NSMCE2: variants seen among roughly 807,000 people sequenced by gnomAD.
NSMCE2 encodes NSE2 SUMO ligase component of SMC5/6 complex.
A neutral mutation model predicts 23.8 loss-of-function variants in NSMCE2; 24 were observed. That is an observed-to-expected ratio of 1.01 (90% CI 0.73 to 1.42). The LOEUF (loss-of-function observed/expected upper bound fraction) is 1.42. NSMCE2 is among the 40% of genes most tolerant of loss of function. The pLI, the probability that NSMCE2 is intolerant of heterozygous loss-of-function variation, is 0.00. For missense variants in NSMCE2, 284 were observed against 296.5 expected (o/e 0.96, Z 0.31); for synonymous variants, 92 against 94.1 (o/e 0.98, Z 0.13).
chr8:125,195,978 T>C (rs978315765), intron 5 of NSMCE2, among the ~76,000 whole-genome samples: 8 of 146,050 alleles, frequency 5.5e-5, no homozygotes, highest in Non-Finnish European at 1.2e-4. Context: ...CCTCCAACTC[T>C]TGGGTTCAAG....
rs560630599 is a variant in NSMCE2 at position 125,137,456 on chromosome 8, A to G, written c.158-13715A>G. Among the ~76,000 whole-genome samples the G allele has an allele frequency of 6.6e-5, 10 of 152,320 alleles. No individual in the cohort carries two copies. The South Asian group carries it at 2.1e-3, about 32-fold the overall frequency. The stretch of plus-strand genomic sequence containing the variant: ...TTTAAAATAAGTGTAGAGATATGCT[A>G]ATCTAAGGCAGTTGCTATCCACATG... On this transcript the variant is annotated intron_variant, in intron 3 of 7. Transcript: ENST00000287437.
Position 125,340,709 on chromosome 8 carries a change from G to A in NSMCE2, c.419-16510G>A, listed in dbSNP as rs546911461. Among the ~76,000 whole-genome samples the A allele has an allele frequency of 3.5e-4, 53 of 152,276 alleles. 1 individual carries two copies. Among genetic ancestry groups the A allele is most frequent in the Non-Finnish European group, 8.8e-5 (6 of 68,008 alleles). ...AGTAACCTAATCTACTTTTGGTAAC[G>A]AAAATAAAATTCTCTTTAAATAATT... On this transcript the variant is annotated intron_variant, in intron 5 of 7. Coordinates refer to ENST00000287437, the MANE Select transcript of NSMCE2 (RefSeq NM_173685.4).
rs549457119 is a variant in NSMCE2 at position 125,167,393 on chromosome 8, A to C, written c.265-14710A>C. On this transcript the variant is annotated intron_variant, in intron 4 of 7. Coordinates refer to ENST00000287437, the MANE Select transcript of NSMCE2 (RefSeq NM_173685.4). The stretch of plus-strand genomic sequence containing the variant: ...AAGAATTGCAAAGTCAAGGCCCGGC[A>C]TGGTGGTTTATGCCTGTAATCCCAG... 5.9e-5 allele frequency among the ~76,000 whole-genome samples: 9 copies of C among 152,262 alleles called. No individual in the cohort carries two copies. In the South Asian group the frequency reaches 1.7e-3, roughly 28 times the overall value.
At chr8:125,121,946 T>C (rs1322779776) in intron 3 of NSMCE2, among the ~76,000 whole-genome samples, 4 of 152,086 alleles carry the variant, frequency 2.6e-5, no homozygotes, top group Non-Finnish European at 5.9e-5. Context: ...TCCTTACATA[T>C]TCTCACCCAT....
intron 3 of NSMCE2, among the ~76,000 whole-genome samples, chr8:125,126,377 A>AG (rs1024713944): frequency 3.9e-5 from 6 of 151,914 alleles, no homozygotes; most frequent in African/African-American, 7.3e-5. Context: ...TTTCAAAAAA[A>AG]AAAAAACGAG....
At chr8:125,323,794 T>A (rs995975048) in intron 5 of NSMCE2, among the ~76,000 whole-genome samples, 1 of 152,292 alleles carries the variant, frequency 6.6e-6, no homozygotes, top group East Asian at 1.9e-4. Context: ...TTTTTAAAAA[T>A]TATAATTTAG....
chr8:125,264,470 G>A (rs780698506), intron 5 of NSMCE2, among the ~76,000 whole-genome samples: 11 of 152,104 alleles, frequency 7.2e-5, no homozygotes, highest in Non-Finnish European at 1.3e-4. Flanking sequence ...GCAATGGCGC[G>A]AGCTCGGCTT....
chr8:125,125,261 C>G (rs909483346), intron 3 of NSMCE2, among the ~76,000 whole-genome samples: 17 of 152,168 alleles, frequency 1.1e-4, no homozygotes, highest in Non-Finnish European at 2.1e-4. Context: ...GATCTTAGGG[C>G]AACAGCATCT....
intron 5 of NSMCE2, among the ~76,000 whole-genome samples, chr8:125,324,572 C>CTTTTTTT (rs1189623667): frequency 5.1e-5 from 3 of 59,316 alleles, no homozygotes; most frequent in African/African-American, 1.6e-4. Context: ...TGATAAAATT[C>CTTTTTTT]TTTTTTTTTT....
Position 125,179,274 on chromosome 8 carries a change from G to A in NSMCE2, c.265-2829G>A, listed in dbSNP as rs571011046. On this transcript the variant is annotated intron_variant, in intron 4 of 7. Transcript: ENST00000287437. ...TGAAATTTGACCAAGGAAGTTAAAG[G>A]CTACAGTAAACTGTGATCATGCCAC... Among the ~76,000 whole-genome samples, 3 of 152,158 alleles carry A rather than the reference G, an allele frequency of 2.0e-5. No individual in the cohort carries two copies. The East Asian group carries it at 5.8e-4, about 29-fold the overall frequency.
At chr8:125,165,391 G>A (rs1177034407) in intron 4 of NSMCE2, among the ~76,000 whole-genome samples, 1 of 152,230 alleles carries the variant, frequency 6.6e-6, no homozygotes, top group Non-Finnish European at 1.5e-5. Flanking sequence ...TCTAATATAA[G>A]ATGGTATTTT....
chr8:125,346,082 A>G (rs1292957601), intron 5 of NSMCE2, among the ~76,000 whole-genome samples: 1 of 152,056 alleles, frequency 6.6e-6, no homozygotes, highest in Admixed American at 6.6e-5. Flanking sequence ...GCTTGAAGCC[A>G]GGAGGCAAAG....
At chr8:125,202,464 T>C (rs1449477716) in intron 5 of NSMCE2, among the ~76,000 whole-genome samples, 5 of 152,182 alleles carry the variant, frequency 3.3e-5, no homozygotes, top group Non-Finnish European at 7.3e-5. Context: ...GAATCTGAAA[T>C]GAGAAAATGT....
chr8:125,235,044 G>A (rs915185775), intron 5 of NSMCE2, among the ~76,000 whole-genome samples: 1 of 152,022 alleles, frequency 6.6e-6, no homozygotes, highest in Non-Finnish European at 1.5e-5. Flanking sequence ...CCAGGAGTTC[G>A]AGACCAGCCT....
At chr8:125,221,072 T>C (rs1332419866) in intron 5 of NSMCE2, among the ~76,000 whole-genome samples, 1 of 152,200 alleles carries the variant, frequency 6.6e-6, no homozygotes, top group Non-Finnish European at 1.5e-5. Flanking sequence ...ATCATGGTCA[T>C]ACCCACCCTC....
chr8:125,215,262 A>G lies in NSMCE2; in HGVS notation c.418+33006A>G, dbSNP rs564278717. 1.7e-3 allele frequency among the ~76,000 whole-genome samples: 246 copies of G among 144,692 alleles called. 2 individuals are homozygous for G. Among genetic ancestry groups the G allele is most frequent in the African/African-American group, 4.5e-3 (173 of 38,852 alleles). 94.9% of individuals were successfully genotyped at this position (144,692 alleles called of 152,430 possible). ...TGTGTCCATGTGTTCTCATTGTTCA[A>G]TTCCCACCTATGAGTGAGAATATGC... On this transcript the variant is annotated intron_variant, in intron 5 of 7. Transcript: ENST00000287437.
At position 125,137,629 on chromosome 8, in the gene NSMCE2, C is replaced by G. The variant is rs373092069; in HGVS notation, c.158-13542C>G. Among the ~76,000 whole-genome samples, 65 of 152,258 alleles carry G rather than the reference C, an allele frequency of 4.3e-4. No individual in the cohort carries two copies. In the South Asian group the frequency reaches 0.012, roughly 29 times the overall value. On this transcript the variant is annotated intron_variant, in intron 3 of 7. Transcript: ENST00000287437. ...ACAGTAGGCATGTTTTCTGATCTAA[C>G]ATGCATAAATCTTAAGAGCGAATTT...
intron 5 of NSMCE2, among the ~76,000 whole-genome samples, chr8:125,196,740 T>G (rs35604388): frequency 1.3e-5 from 2 of 152,210 alleles, no homozygotes; most frequent in African/African-American, 2.4e-5. Context: ...CTGGGTCAAA[T>G]GGTATTTCTA....
rs961225402 is a variant in NSMCE2, at chr8:125,301,845, G to GT, written c.419-55373dup. 1.5e-3 allele frequency among the ~76,000 whole-genome samples: 226 copies of GT among 152,176 alleles called. 2 individuals are homozygous for GT. Among genetic ancestry groups the GT allele is most frequent in the African/African-American group, 4.9e-3 (203 of 41,512 alleles). The stretch of plus-strand genomic sequence containing the variant: ...TGCCCGGCTAATTTTTGTAGTTTTA[G>GT]TAGAGACAGGGTTTCGCCGTGTTGG... On this transcript the variant is annotated intron_variant, in intron 5 of 7. Transcript: ENST00000287437.
Sources: gnomAD v4.1 joint callset for allele counts (sites outside exome capture counted in the v4.1 genomes callset) on GRCh38, gnomAD v4.1.1 for gene constraint, MANE v1.5 for transcripts, NCBI Gene and HGNC (gene_info 2026-07-23, HGNC 2026-07-21) for gene names.